MACO1: variants seen among roughly 807,000 people sequenced by gnomAD.
The protein encoded by MACO1 is macoilin 1, also known as macoilin.
MACO1 carries 14 observed loss-of-function variants against 78.7 expected under a neutral mutation model. The ratio of observed to expected loss-of-function variants is 0.18; its 90% CI spans 0.12 to 0.28. The LOEUF (loss-of-function observed/expected upper bound fraction) is 0.28. Ranked by LOEUF, MACO1 falls within the 10% of genes least tolerant of loss-of-function variation. MACO1 has a pLI of 1.00. For synonymous variants in MACO1, 288 were observed against 291.6 expected, an observed-to-expected ratio of 0.99 and a Z score of 0.12; for missense variants, 501 against 799.0, an observed-to-expected ratio of 0.63 and a Z score of 4.50.
intron 4 of MACO1, 112 bp from the exon 5 acceptor site, chr1:25,456,538 CCAT>C: frequency 9.4e-7 from 1 of 1,062,950 alleles, no homozygotes. Context: ...TTCTCAACTA[CCAT>C]CATCAATTAG....
chr1:25,431,112 A>C lies in MACO1; in HGVS notation c.14A>C (p.Asn5Thr). Residue 5 changes from asparagine to threonine, a missense_variant, in exon 1 of 11, where the codon AAC becomes ACC. Physicochemically the swap from Asn to Thr is moderately conservative, Grantham distance 65 (BLOSUM62 0). Transcript: ENST00000374343. ...CCCAGCGGGAGGATGAAGCGGCGGA[A>C]CGCCGACTGCAGTAAGCTCCGCCGC... MKRR[N>T]ADCSKLRRPL... 1 of 1,593,802 alleles carries C rather than the reference A, an allele frequency of 6.3e-7. No individual in the cohort carries two copies. Among genetic ancestry groups the C allele is most frequent in the Non-Finnish European group, 8.5e-7 (1 of 1,172,700 alleles).
Position 25,437,102 on chromosome 1 carries a change from G to T in MACO1, c.80+5924G>T, listed in dbSNP as rs542051252. Among the ~76,000 whole-genome samples, 3 of 150,842 alleles carry T rather than the reference G, an allele frequency of 2.0e-5. No homozygotes were observed. In the South Asian group the frequency reaches 6.3e-4, roughly 32 times the overall value. On this transcript the variant is annotated intron_variant, in intron 1 of 10. Transcript: ENST00000374343. ...CTAGAAATAATCTCATTCTGTTTTTGAATCATATTGTTACGTTGTTCATCT... is the reference window on the plus strand; with the variant it reads ...CTAGAAATAATCTCATTCTGTTTTTTAATCATATTGTTACGTTGTTCATCT...
At chr1:25,460,851 G>GT (rs1294500663) in intron 6 of MACO1, among the ~76,000 whole-genome samples, 3 of 152,028 alleles carry the variant, frequency 2.0e-5, no homozygotes, top group African/African-American at 7.3e-5. Flanking sequence ...AGTGTCCCAG[G>GT]TATTACTCTG....
intron 6 of MACO1, among the ~76,000 whole-genome samples, chr1:25,469,717 A>C (rs964294234): frequency 6.7e-6 from 1 of 150,150 alleles, no homozygotes; most frequent in African/African-American, 2.5e-5. Flanking sequence ...GCTCACTGCA[A>C]CCTCTGTCTT....
At chr1:25,484,092 A>T in intron 6 of MACO1, 24 bp from the exon 7 acceptor site, 1 of 1,593,240 alleles carries the variant, frequency 6.3e-7, no homozygotes, top group Admixed American at 1.8e-5. Context: ...CTAGATGAAA[A>T]TGCTGCATTT....
At position 25,456,803 on chromosome 1, in the gene MACO1, A is replaced by G. The variant is rs567651915; in HGVS notation, c.624A>G (p.Leu208=). The change falls in exon 5 of 11, where the codon CTA becomes CTG. Residue 208 remains leucine (L), a synonymous_variant. Transcript: ENST00000374343. ...QQALPPEQQM[L]QKQEKEAEEA... is the part of the protein sequence containing the mutation. ...CTCTCCCTCCAGAGCAACAGATGCTACAGAAGCAAGAAAAAGAGGCCGAGG... is the reference window on the plus strand; with the variant it reads ...CTCTCCCTCCAGAGCAACAGATGCTGCAGAAGCAAGAAAAAGAGGCCGAGG... 2.5e-6 allele frequency: 4 copies of G among 1,611,298 alleles called. No individual in the cohort carries two copies. The African/African-American group carries it at 4.0e-5, about 16-fold the overall frequency.
intron 3 of MACO1, 57 bp from the exon 4 acceptor site, chr1:25,454,202 C>T: frequency 1.4e-6 from 2 of 1,433,542 alleles, no homozygotes; most frequent in Non-Finnish European, 1.8e-6. Context: ...CCAAACAATC[C>T]ATCTGTTAGT....
At position 25,489,313 on chromosome 1, in the gene MACO1, C is replaced by A; in HGVS notation, c.1617+20C>A. On this transcript the variant is annotated intron_variant, in intron 9 of 10. Coordinates refer to ENST00000374343, the MANE Select transcript of MACO1 (RefSeq NM_018202.6). ...GTCCAGGTAAGGGGGGAACAAAAGA[C>A]TTCCCTTGTATTTGAATTCCACTTT... 6.2e-7 allele frequency: 1 copy of A among 1,611,178 alleles called. No individual in the cohort carries two copies. Among genetic ancestry groups the A allele is most frequent in the Non-Finnish European group, 8.5e-7 (1 of 1,178,934 alleles).
At chr1:25,483,852 A>G (rs756378102) in intron 6 of MACO1, among the ~76,000 whole-genome samples, 36 of 152,186 alleles carry the variant, frequency 2.4e-4, no homozygotes, top group Non-Finnish European at 4.7e-4. Context: ...TCGGATGGAT[A>G]TTCACAAGCA....
rs1333001575 is a variant in MACO1 at position 25,489,299 on chromosome 1, G to C, written c.1617+6G>C. 9.3e-6 allele frequency: 15 copies of C among 1,612,856 alleles called. No homozygotes were observed. Among genetic ancestry groups the C allele is most frequent in the African/African-American group, 2.7e-5 (2 of 74,860 alleles). On this transcript the variant is annotated splice_donor_region_variant and intron_variant, in intron 9 of 10. Coordinates refer to ENST00000374343, the MANE Select transcript of MACO1 (RefSeq NM_018202.6). Reference sequence around the variant, plus strand: ...AACTAGAACTAAAAGTCCAGGTAAGGGGGGAACAAAAGACTTCCCTTGTAT... The same window carrying C: ...AACTAGAACTAAAAGTCCAGGTAAGCGGGGAACAAAAGACTTCCCTTGTAT...
At chr1:25,481,778 T>G (rs111967131) in intron 6 of MACO1, among the ~76,000 whole-genome samples, 66 of 152,286 alleles carry the variant, frequency 4.3e-4, no homozygotes, top group Middle Eastern at 3.4e-3. Context: ...GAAAGTGTGG[T>G]GTGATGTCGA....
intron 6 of MACO1, among the ~76,000 whole-genome samples, chr1:25,483,643 G>A (rs867679850): frequency 2.0e-5 from 3 of 152,274 alleles, no homozygotes; most frequent in Non-Finnish European, 2.9e-5. Flanking sequence ...GTCGCAGACC[G>A]TTTTCTTCTA....
rs1204202637 is a variant in MACO1, at chr1:25,431,299, A to G, written c.80+121A>G. 9.8e-5 allele frequency: 51 copies of G among 518,752 alleles called. No homozygotes were observed. The East Asian group carries it at 2.8e-3, about 29-fold the overall frequency. The allele number at this position is 518,752 out of a possible 1,614,324, so 32.1% of individuals were successfully genotyped here. ...CACGCCCGCGCCGGGGGCTCTCCTAAGGAGCGCTGGCCCCGGAGCCGCTGG... is the reference window on the plus strand; with the variant it reads ...CACGCCCGCGCCGGGGGCTCTCCTAGGGAGCGCTGGCCCCGGAGCCGCTGG... On this transcript the variant is annotated intron_variant, in intron 1 of 10. Coordinates refer to ENST00000374343, the MANE Select transcript of MACO1 (RefSeq NM_018202.6).
At chr1:25,450,080 G>A (rs557090475) in intron 3 of MACO1, among the ~76,000 whole-genome samples, 4 of 151,936 alleles carry the variant, frequency 2.6e-5, no homozygotes, top group Non-Finnish European at 4.4e-5. Flanking sequence ...CCAGACCATC[G>A]CCTCAATCCC....
intron 6 of MACO1, among the ~76,000 whole-genome samples, chr1:25,462,568 T>TA (rs1384601886): frequency 2.0e-5 from 3 of 152,238 alleles, no homozygotes; most frequent in African/African-American, 7.2e-5. Context: ...AAACCAGTAC[T>TA]ATATTAACTA....
chr1:25,488,866 G>A (rs2043458356), intron 8 of MACO1, among the ~76,000 whole-genome samples: 1 of 151,992 alleles, frequency 6.6e-6, no homozygotes, highest in African/African-American at 2.4e-5. Flanking sequence ...CGCCCAAGCT[G>A]GAGTGCAGTG....
rs1227587092 is a variant in MACO1, at chr1:25,499,274, G to C, written c.*808G>C. 4.6e-5 allele frequency: 7 copies of C among 152,012 alleles called. No homozygotes were observed. The highest frequency in any genetic ancestry group is 1.7e-4 in the African/African-American group (7 of 41,372). 9.4% of individuals were successfully genotyped at this position (152,012 alleles called of 1,614,324 possible). A position where few individuals can be genotyped will look rare whatever the true frequency, so the allele number is the denominator to read the frequency against. On this transcript the variant is annotated 3_prime_UTR_variant, in exon 11 of 11. Transcript: ENST00000374343. ...TGCGGATCCTGCTGTAAAACTGGTG[G>C]GTAGCTGGGCTGTCCGTTACCACCA...
chr1:25,470,523 T>G (rs1571975793), intron 6 of MACO1, among the ~76,000 whole-genome samples: 1 of 152,306 alleles, frequency 6.6e-6, no homozygotes, highest in South Asian at 2.1e-4. Context: ...CAGGGGCAGG[T>G]GGCCTTTCAT....
intron 6 of MACO1, among the ~76,000 whole-genome samples, chr1:25,468,421 G>T (rs1443111965): frequency 1.3e-5 from 2 of 152,174 alleles, no homozygotes; most frequent in African/African-American, 2.4e-5. Context: ...CCTGCAGAGA[G>T]GCCACCATTA....
Sources: allele counts gnomAD v4.1 joint callset (sites outside exome capture counted in the v4.1 genomes callset), GRCh38; gene constraint gnomAD v4.1.1; transcripts MANE v1.5; gene names NCBI Gene and HGNC (gene_info 2026-07-23, HGNC 2026-07-21).